Variants in TNRC18 observed in about 807,000 individuals in gnomAD.
TNRC18 encodes trinucleotide repeat containing 18.
TNRC18 carries 69 observed loss-of-function variants against 226.7 expected under a neutral mutation model. The ratio of observed to expected loss-of-function variants is 0.30; its 90% CI spans 0.25 to 0.37. The LOEUF (loss-of-function observed/expected upper bound fraction) is 0.37, where lower values mean the gene tolerates loss of function less well. Among genes scored for constraint, TNRC18 ranks in the 10% least tolerant of loss-of-function variants. The probability of loss-of-function intolerance (pLI) is 1.00; values close to 1 mark genes in which losing one functional copy is unlikely to be tolerated. For synonymous variants in TNRC18, 2,449 were observed against 1,927.6 expected, an observed-to-expected ratio of 1.27 and a Z score of -7.09; for missense variants, 4,754 against 4,256.6, an observed-to-expected ratio of 1.12 and a Z score of -3.25.
At position 5,376,217 on chromosome 7, in the gene TNRC18, C is replaced by T. The variant is rs1378682346; in HGVS notation, c.2616G>A (p.Leu872=). The change falls in exon 9 of 30, where the codon CTG becomes CTA. Residue 872 remains leucine, a synonymous_variant. Coordinates refer to ENST00000430969, the MANE Select transcript of TNRC18 (RefSeq NM_001080495.3). Reference sequence around the variant, plus strand: ...GGGGCGGTACGGTGGCCCGCTCCATCAGCTCCGCTGCAGGGACAGAGACAG... The same window carrying T: ...GGGGCGGTACGGTGGCCCGCTCCATTAGCTCCGCTGCAGGGACAGAGACAG... ...PSDHLPHFAE[L]MERATVPPLW... 3 of 1,500,532 alleles carry T rather than the reference C, an allele frequency of 2.0e-6. No individual in the cohort carries two copies. The highest frequency in any genetic ancestry group is 2.7e-6 in the Non-Finnish European group (3 of 1,128,400). The allele number at this position is 1,500,532 out of a possible 1,614,324, so 93.0% of individuals were successfully genotyped here.
intron 2 of TNRC18, among the ~76,000 whole-genome samples, chr7:5,398,222 G>C (rs111778858): frequency 0.13 from 20,295 of 151,762 alleles, 2,849 homozygotes; most frequent in African/African-American, 0.35. Context: ...CCAGGGTGGA[G>C]TGCAATGGCG....
chr7:5,351,776 C>T (rs560617448), intron 17 of TNRC18, 43 bp downstream of exon 17: 13 of 1,522,118 alleles, frequency 8.5e-6, no homozygotes, highest in Non-Finnish European at 1.1e-5. Flanking sequence ...CGCACTCTCT[C>T]GCTAGGAAAC....
intron 11 of TNRC18, among the ~76,000 whole-genome samples, chr7:5,368,107 C>G (rs1793790950): frequency 6.6e-6 from 1 of 151,204 alleles, no homozygotes; most frequent in Non-Finnish European, 1.5e-5. Context: ...CCATCTAAGA[C>G]TGGGTCATCA....
rs1448133122 is a variant in TNRC18 at position 5,357,228 on chromosome 7, T to C, written c.4882A>G (p.Ser1628Gly). ...AGGGAGAGGGCCTTGTCGAGCTTGC[T>C]TGCCAACTGCTCCTGGTCGCTGGCC... is the stretch of plus-strand genomic sequence containing the variant. ...KMASDQEQLA[S>G]KLDKALSLTK... The change falls in exon 16 of 30, where the codon AGC (serine) becomes GGC (glycine). Residue 1628 changes from serine (S) to glycine (G), a missense_variant. Ser to Gly is a moderately conservative substitution (Grantham distance 56). Coordinates refer to ENST00000430969, the MANE Select transcript of TNRC18 (RefSeq NM_001080495.3). 1.9e-6 allele frequency: 3 copies of C among 1,612,538 alleles called. No individual in the cohort carries two copies. The highest frequency in any genetic ancestry group is 2.5e-6 in the Non-Finnish European group (3 of 1,179,480).
chr7:5,379,767 C>T (rs1014016580), intron 5 of TNRC18, among the ~76,000 whole-genome samples: 3 of 152,216 alleles, frequency 2.0e-5, no homozygotes, highest in South Asian at 2.1e-4. Flanking sequence ...GTGTGCAGCT[C>T]GAAAACCTGC....
At position 5,383,649 on chromosome 7, in the gene TNRC18, G is replaced by C. The variant is rs554166404; in HGVS notation, c.2152+4023C>G. On this transcript the variant is annotated intron_variant, in intron 5 of 29. Transcript: ENST00000430969. The stretch of plus-strand genomic sequence containing the variant: ...GACAACCCGACTGTCCTCAGCTGGG[G>C]GAACTGCCCAGACACAGGCGTCCCA... 2.5e-3 allele frequency among the ~76,000 whole-genome samples: 375 copies of C among 152,276 alleles called. 2 individuals are homozygous for C. The highest frequency in any genetic ancestry group is 8.7e-3 in the African/African-American group (361 of 41,560).
At chr7:5,316,274 CTTTTTTTTTTTT>C (rs1278896095) in intron 24 of TNRC18, among the ~76,000 whole-genome samples, 2 of 86,534 alleles carry the variant, frequency 2.3e-5, no homozygotes. Context: ...AGAAATGGGT[CTTTTTTTTTTTT>C]TTTTTTTTTT....
intron 18 of TNRC18, among the ~76,000 whole-genome samples, chr7:5,340,889 T>G: frequency 6.6e-6 from 1 of 152,132 alleles, no homozygotes; most frequent in Non-Finnish European, 1.5e-5. Flanking sequence ...CACCAACCAA[T>G]GGATTTGCAA....
chr7:5,370,033 G>A (rs1001479402), intron 11 of TNRC18, among the ~76,000 whole-genome samples: 17 of 152,128 alleles, frequency 1.1e-4, no homozygotes, highest in Middle Eastern at 3.4e-3. Flanking sequence ...TTAAGAGGCC[G>A]GGCACAGCGA....
At position 5,394,579 on chromosome 7, in the gene TNRC18, G is replaced by A; in HGVS notation, c.204C>T (p.Gly68=). 6.5e-7 allele frequency: 1 copy of A among 1,547,214 alleles called. No homozygotes were observed. The highest frequency in any genetic ancestry group is 8.7e-7 in the Non-Finnish European group (1 of 1,146,934). ...GCCCCATCCCGCTGGCCACAAAGCT[G>A]CCCAAGAAGGCCTCGCCTGCAGAGA... ...LHPHPGEAFL[G]SFVASGMGPS... The change falls in exon 3 of 30, where the codon GGC becomes GGT. Residue 68 remains glycine (G), a synonymous_variant. Coordinates refer to ENST00000430969, the MANE Select transcript of TNRC18 (RefSeq NM_001080495.3). This position sits in a 1 kb window ranked among gnomAD's most constrained non-coding sequence, Gnocchi z 4.5.
rs370829263 is a variant in TNRC18, at chr7:5,365,957, G to A, written c.4220-3132C>T. Among the ~76,000 whole-genome samples the A allele has an allele frequency of 4.1e-3, 630 of 152,258 alleles. 2 individuals are homozygous for A. The highest frequency in any genetic ancestry group is 6.2e-3 in the Non-Finnish European group (424 of 68,014). On this transcript the variant is annotated intron_variant, in intron 11 of 29. Transcript: ENST00000430969. ...CTGGTGGCGCATGCCTATAATGCCA[G>A]CTACTCAGGAGGCTGAGGCAGGAGA...
rs577593143 is a variant in TNRC18, at chr7:5,308,152, G to C, written c.8861C>G (p.Thr2954Ser). The C allele has an allele frequency of 1.9e-6, 3 of 1,570,072 alleles. No individual in the cohort carries two copies. The highest frequency in any genetic ancestry group is 1.2e-5 in the South Asian group (1 of 85,580). Residue 2954 changes from threonine to serine, a missense_variant, in exon 30 of 30, where the codon ACC (threonine) becomes AGC (serine). Transcript: ENST00000430969. ...LYYLAGTYEP[T>S]TGMIFSTDGV... ...GTCCGTGGAGAAGATCATGCCCGTGGTGGGCTCGTAGGTGCCCGCGAGGTA... is the reference window on the plus strand; with the variant it reads ...GTCCGTGGAGAAGATCATGCCCGTGCTGGGCTCGTAGGTGCCCGCGAGGTA...
chr7:5,315,894 G>C, intron 25 of TNRC18, 62 bp downstream of exon 25: 1 of 1,300,894 alleles, frequency 7.7e-7, no homozygotes, highest in Non-Finnish European at 1.1e-6. Context: ...CGGGCTTGGA[G>C]GGCGAGAGCC....
rs984053333 is a variant in TNRC18, at chr7:5,421,251, C to T, written c.-5G>A. The T allele has an allele frequency of 1.9e-5, 25 of 1,290,824 alleles. No individual in the cohort carries two copies. The highest frequency in any genetic ancestry group is 2.8e-4 in the Middle Eastern group (1 of 3,610). 80.0% of individuals were successfully genotyped at this position (1,290,824 alleles called of 1,614,324 possible). On this transcript the variant is annotated 5_prime_UTR_variant, in exon 2 of 30. Transcript: ENST00000430969. ...CCCGAAGTCTCGGCCATCCATCCTC[C>T]GCGGGAGTGCCGCGATCAGCCCCCC...
At chr7:5,332,121 G>A (rs1261565104) in intron 19 of TNRC18, among the ~76,000 whole-genome samples, 3 of 152,166 alleles carry the variant, frequency 2.0e-5, no homozygotes, top group Non-Finnish European at 4.4e-5. Context: ...TGAGACAGGA[G>A]AAAAGAGAGT....
intron 2 of TNRC18, among the ~76,000 whole-genome samples, chr7:5,414,687 C>T (rs375427837): frequency 1.3e-5 from 2 of 152,368 alleles, no homozygotes; most frequent in East Asian, 3.9e-4. Flanking sequence ...ACTGGGATTA[C>T]AGGCGTGAGC....
intron 5 of TNRC18, 94 bp downstream of exon 5, chr7:5,387,578 C>T (rs1779885830): frequency 6.7e-7 from 1 of 1,499,710 alleles, no homozygotes; most frequent in South Asian, 1.2e-5. Context: ...AAAGACTTAG[C>T]AATAGCAAAG....
chr7:5,412,128 G>A (rs1006171719), intron 2 of TNRC18, among the ~76,000 whole-genome samples: 2 of 151,188 alleles, frequency 1.3e-5, no homozygotes, highest in African/African-American at 4.8e-5. Context: ...GGTTGAGGCT[G>A]TAGTGAGCCA....
In TNRC18 at chr7:5,361,860, G is replaced by T. The variant is rs777052091; in HGVS notation, c.4532+37C>A. ...GCGCCTGGGGGCCTGGTGGGCCGGG[G>T]CAGGGGCCCCACGGGGCGGGCGGGG... On this transcript the variant is annotated intron_variant, in intron 13 of 29. Coordinates refer to ENST00000430969, the MANE Select transcript of TNRC18 (RefSeq NM_001080495.3). 5 of 1,519,884 alleles carry T rather than the reference G, an allele frequency of 3.3e-6. No homozygotes were observed. In the South Asian group the frequency reaches 5.0e-5, roughly 15 times the overall value. 94.1% of individuals were successfully genotyped at this position (1,519,884 alleles called of 1,614,324 possible). A position where few individuals can be genotyped will look rare whatever the true frequency, so the allele number is the denominator to read the frequency against.
Sources: gnomAD v4.1 joint callset for allele counts (sites outside exome capture counted in the v4.1 genomes callset) on GRCh38, gnomAD v4.1.1 for gene constraint, Gnocchi (gnomAD v3.1) non-coding constraint, MANE v1.5 for transcripts, NCBI Gene and HGNC (gene_info 2026-07-23, HGNC 2026-07-21) for gene names.